The following PCDHGA3 variants were observed in gnomAD, a reference collection of about 807,000 sequenced individuals.
The protein encoded by PCDHGA3 is protocadherin gamma subfamily A, 3.
In PCDHGA3, 40 loss-of-function variants were observed where a neutral mutation model predicts 58.5. The ratio of observed to expected loss-of-function variants is 0.68; its 90% CI spans 0.53 to 0.89. The LOEUF (loss-of-function observed/expected upper bound fraction) is 0.89, where lower values mean the gene tolerates loss of function less well. PCDHGA3 is among the 40% of genes least tolerant of loss of function. The pLI is 0.00. For missense variants in PCDHGA3, 1,223 were observed against 1,195.9 expected, an observed-to-expected ratio of 1.02 and a Z score of -0.33; for synonymous variants, 530 against 525.7, an observed-to-expected ratio of 1.01 and a Z score of -0.11.
Position 141,425,635 on chromosome 5 carries a change from T to C in PCDHGA3, c.2425-69172T>C, listed in dbSNP as rs376675545. On this transcript the variant is annotated intron_variant, in intron 1 of 3. Coordinates refer to ENST00000253812, the MANE Select transcript of PCDHGA3 (RefSeq NM_018916.4). ...TCAGTGCTCCTCCAGTTTTCTCTGA[T>C]AAAACTAGGAGGAAAATTATCTGCA... Among the ~76,000 whole-genome samples, 51 of 152,354 alleles carry C rather than the reference T, an allele frequency of 3.3e-4. 1 individual carries two copies. The South Asian group carries it at 0.01, about 30-fold the overall frequency.
intron 1 of PCDHGA3, chr5:141,351,898 G>C: frequency 6.2e-7 from 1 of 1,613,440 alleles, no homozygotes; most frequent in Admixed American, 1.7e-5. Context: ...GCCTGCGCGT[G>C]TTGGTGGGCG....
At chr5:141,380,088 T>A (rs1292073938) in intron 1 of PCDHGA3, among the ~76,000 whole-genome samples, 1 of 151,730 alleles carries the variant, frequency 6.6e-6, no homozygotes, top group Non-Finnish European at 1.5e-5. Flanking sequence ...TTAGTAGAGA[T>A]GGGGTTTTAC....
chr5:141,448,394 T>A (rs1360417681), intron 1 of PCDHGA3, among the ~76,000 whole-genome samples: 2 of 152,206 alleles, frequency 1.3e-5, no homozygotes, highest in Admixed American at 6.5e-5. Context: ...TACATTTACA[T>A]GGTTTTAAAA....
intron 1 of PCDHGA3, among the ~76,000 whole-genome samples, chr5:141,381,395 C>T (rs1588899901): frequency 6.6e-6 from 1 of 152,328 alleles, no homozygotes; most frequent in South Asian, 2.1e-4. Flanking sequence ...TAGTTTTACT[C>T]TATCAACATC....
At chr5:141,388,971 CAT>C (rs1456846164) in intron 1 of PCDHGA3, 3 of 1,613,890 alleles carry the variant, frequency 1.9e-6, no homozygotes, top group Non-Finnish European at 2.5e-6. Context: ...GCTGGGAACA[CAT>C]ATTGCTTTGC....
At chr5:141,450,489 CTG>C (rs2098682348) in intron 1 of PCDHGA3, among the ~76,000 whole-genome samples, 1 of 150,280 alleles carries the variant, frequency 6.7e-6, no homozygotes, top group Admixed American at 6.6e-5. Context: ...GTTTGTTTGT[CTG>C]TTTGTTTGTT....
rs1562059777 is a variant in PCDHGA3, at chr5:141,477,098, G to C, written c.2425-17709G>C. 6.2e-7 allele frequency: 1 copy of C among 1,614,242 alleles called. No individual in the cohort carries two copies. Among genetic ancestry groups the C allele is most frequent in the Non-Finnish European group, 8.5e-7 (1 of 1,180,046 alleles). ...GATTTACATCCAGGCCAAAGACAAG[G>C]GCGCCAATCCCGAAGGAGCACATTG... On this transcript the variant is annotated intron_variant, in intron 1 of 3. Transcript: ENST00000253812. This position sits in a 1 kb window ranked among gnomAD's most constrained non-coding sequence, Gnocchi z 4.9.
rs748176272 is a variant in PCDHGA3, at chr5:141,371,620, C to A, written c.2424+25163C>A. On this transcript the variant is annotated intron_variant, in intron 1 of 3. Coordinates refer to ENST00000253812, the MANE Select transcript of PCDHGA3 (RefSeq NM_018916.4). ...ACATACAGGTTGGTGACAGATGGAG[C>A]CCTGGACCGGGAGCAGATCCCAGAA... The A allele has an allele frequency of 2.5e-6, 4 of 1,613,874 alleles. No homozygotes were observed. The African/African-American group carries it at 4.0e-5, about 16-fold the overall frequency.
Position 141,345,433 on chromosome 5 carries a change from G to A in PCDHGA3, c.1400G>A (p.Arg467Lys). The A allele has an allele frequency of 6.2e-7, 1 of 1,613,934 alleles. No individual in the cohort carries two copies. The highest frequency in any genetic ancestry group is 8.5e-7 in the Non-Finnish European group (1 of 1,180,002). Residue 467 changes from arginine (R) to lysine (K), a missense_variant, in exon 1 of 4, where the codon AGA (arginine) becomes AAA (lysine). By Grantham distance (26) the Arg-to-Lys change is conservative (BLOSUM62 2). Transcript: ENST00000253812. ...YSAYIPENNPRGASIFSVTAQ... is the reference protein window; with the variant it reads ...YSAYIPENNPKGASIFSVTAQ... ...GCCTACATTCCAGAAAACAACCCCA[G>A]AGGAGCCTCCATCTTCTCAGTGACA...
In PCDHGA3 at chr5:141,477,017, A is replaced by G; in HGVS notation, c.2425-17790A>G. 2 of 1,614,220 alleles carry G rather than the reference A, an allele frequency of 1.2e-6. No homozygotes were observed. The highest frequency in any genetic ancestry group is 2.2e-5 in the East Asian group (1 of 44,868). ...GCAACTATTCGCCTTAGACCTTGTA[A>G]CCGGGATGCTGACAATCAAGGGTCG... On this transcript the variant is annotated intron_variant, in intron 1 of 3. Coordinates refer to ENST00000253812, the MANE Select transcript of PCDHGA3 (RefSeq NM_018916.4). This position sits in a 1 kb window ranked among gnomAD's most constrained non-coding sequence, Gnocchi z 4.9.
intron 1 of PCDHGA3, among the ~76,000 whole-genome samples, chr5:141,457,067 G>A (rs946526462): frequency 1.3e-5 from 2 of 152,166 alleles, no homozygotes; most frequent in Non-Finnish European, 2.9e-5. Flanking sequence ...CTTTTTGCCA[G>A]TAACTATTAT....
intron 1 of PCDHGA3, among the ~76,000 whole-genome samples, chr5:141,461,248 C>A (rs1209563726): frequency 6.6e-6 from 1 of 152,038 alleles, no homozygotes; most frequent in Non-Finnish European, 1.5e-5. Context: ...AATTTATATT[C>A]CCAGCAGCAA....
chr5:141,399,327 G>C (rs2093787081), intron 1 of PCDHGA3: 2 of 1,613,936 alleles, frequency 1.2e-6, no homozygotes, highest in African/African-American at 1.3e-5. Flanking sequence ...CGTATAAGTT[G>C]GTAACAGATG....
In PCDHGA3 at chr5:141,431,627, C is replaced by T. The variant is rs769351473; in HGVS notation, c.2425-63180C>T. 2.5e-6 allele frequency: 4 copies of T among 1,614,076 alleles called. No homozygotes were observed. The South Asian group carries it at 4.4e-5, about 18-fold the overall frequency. On this transcript the variant is annotated intron_variant, in intron 1 of 3. Coordinates refer to ENST00000253812, the MANE Select transcript of PCDHGA3 (RefSeq NM_018916.4). The surrounding 1 kb of genome is among the most constrained non-coding windows in gnomAD (Gnocchi z 4.8). Reference sequence around the variant, plus strand: ...CCGGTATGTGGACGACAAGGCGGCCCAAGTTTTCAAACTAGATTGTAATTC... The same window carrying T: ...CCGGTATGTGGACGACAAGGCGGCCTAAGTTTTCAAACTAGATTGTAATTC...
intron 1 of PCDHGA3, chr5:141,422,569 G>A (rs1219842498): frequency 6.2e-7 from 1 of 1,613,984 alleles, no homozygotes; most frequent in Admixed American, 1.7e-5. Context: ...AGATGACAAC[G>A]ATAACCCTCC....
intron 1 of PCDHGA3, among the ~76,000 whole-genome samples, chr5:141,348,825 AGAGTAT>A (rs1252286003): frequency 6.6e-6 from 1 of 152,224 alleles, no homozygotes; most frequent in East Asian, 1.9e-4. Flanking sequence ...TGTTTCGAAT[AGAGTAT>A]GAGTATGGGT....
chr5:141,355,846 G>T, intron 1 of PCDHGA3: 10 of 1,612,248 alleles, frequency 6.2e-6, no homozygotes, highest in Non-Finnish European at 8.5e-6. Flanking sequence ...CACGGCCTTC[G>T]ATGGAGGTGA....
intron 1 of PCDHGA3, chr5:141,421,203 G>A (rs779780797): frequency 2.6e-6 from 4 of 1,522,494 alleles, no homozygotes; most frequent in African/African-American, 1.4e-5. Context: ...TCGAGAAACC[G>A]CGGAATATCG....
intron 2 of PCDHGA3, among the ~76,000 whole-genome samples, chr5:141,500,184 T>TTTTTTTTA (rs1554186429): frequency 7.8e-4 from 106 of 135,966 alleles, no homozygotes; most frequent in African/African-American, 2.4e-3. Context: ...TCATTTTTAT[T>TTTTTTTTA]TTTATTTATT....
Sources: allele counts gnomAD v4.1 joint callset (sites outside exome capture counted in the v4.1 genomes callset), GRCh38; gene constraint gnomAD v4.1.1; non-coding constraint Gnocchi (gnomAD v3.1); transcripts MANE v1.5; gene names NCBI Gene and HGNC (gene_info 2026-07-23, HGNC 2026-07-21).